Variants in ADAMTS12 observed in about 807,000 individuals in gnomAD.
ADAMTS12 encodes A disintegrin and metalloproteinase with thrombospondin motifs 12.
In ADAMTS12, 118 loss-of-function variants were observed where a neutral mutation model predicts 167.8. The ratio of observed to expected loss-of-function variants is 0.70; its 90% CI spans 0.61 to 0.82. ADAMTS12 has a LOEUF of 0.82. Among genes scored for constraint, ADAMTS12 ranks in the 40% least tolerant of loss-of-function variants. ADAMTS12 has a pLI of 0.00. For missense variants in ADAMTS12, 1,916 were observed against 1,998.8 expected, an observed-to-expected ratio of 0.96 and a Z score of 0.79; for synonymous variants, 704 against 716.9, an observed-to-expected ratio of 0.98 and a Z score of 0.29.
chr5:33,608,912 C>G (rs1004752884), intron 16 of ADAMTS12, among the ~76,000 whole-genome samples: 1 of 152,052 alleles, frequency 6.6e-6, no homozygotes, highest in Non-Finnish European at 1.5e-5. Flanking sequence ...CTAGGATGCG[C>G]GCATATTTAA....
chr5:33,703,478 C>T (rs1196345967), intron 3 of ADAMTS12, among the ~76,000 whole-genome samples: 1 of 152,150 alleles, frequency 6.6e-6, no homozygotes, highest in East Asian at 1.9e-4. Flanking sequence ...ATCATAGGCC[C>T]TATATTGTAC....
At chr5:33,632,678 A>G (rs1488852401) in intron 12 of ADAMTS12, among the ~76,000 whole-genome samples, 1 of 152,220 alleles carries the variant, frequency 6.6e-6, no homozygotes, top group Non-Finnish European at 1.5e-5. Flanking sequence ...CAACCTGGGA[A>G]CAATTCTATT....
At chr5:33,565,522 G>T (rs947185727) in intron 19 of ADAMTS12, among the ~76,000 whole-genome samples, 2 of 152,090 alleles carry the variant, frequency 1.3e-5, no homozygotes, top group Non-Finnish European at 2.9e-5. Context: ...CCTGTCATGA[G>T]GGGGGACTCT....
At chr5:33,666,623 G>A (rs1561203353) in intron 5 of ADAMTS12, among the ~76,000 whole-genome samples, 1 of 152,114 alleles carries the variant, frequency 6.6e-6, no homozygotes, top group Non-Finnish European at 1.5e-5. Context: ...CTCCCTAGTA[G>A]CTGAGACTAC....
chr5:33,648,220 T>C (rs1343081561), intron 9 of ADAMTS12, among the ~76,000 whole-genome samples: 1 of 152,152 alleles, frequency 6.6e-6, no homozygotes, highest in Non-Finnish European at 1.5e-5. Flanking sequence ...CACGGTTACA[T>C]TGTGTTTTTA....
At chr5:33,589,215 T>C (rs1474035053) in intron 17 of ADAMTS12, among the ~76,000 whole-genome samples, 1 of 152,224 alleles carries the variant, frequency 6.6e-6, no homozygotes, top group Non-Finnish European at 1.5e-5. Context: ...GACCAATTCA[T>C]GTAATGTGCA....
chr5:33,596,208 G>T, intron 16 of ADAMTS12, 148 bp from the exon 17 acceptor site: 1 of 972,760 alleles, frequency 1.0e-6, no homozygotes, highest in Non-Finnish European at 1.5e-6. Flanking sequence ...GAGGGATGAA[G>T]AATAGGGACC....
intron 14 of ADAMTS12, among the ~76,000 whole-genome samples, chr5:33,623,208 A>G (rs1739415903): frequency 6.6e-6 from 1 of 152,094 alleles, no homozygotes; most frequent in Non-Finnish European, 1.5e-5. Context: ...AGTGGCTATC[A>G]CTTCCTGTCC....
At chr5:33,597,076 A>G (rs1366243085) in intron 16 of ADAMTS12, among the ~76,000 whole-genome samples, 2 of 152,166 alleles carry the variant, frequency 1.3e-5, no homozygotes, top group Non-Finnish European at 2.9e-5. Context: ...CAACAACCCA[A>G]TGAAATCAGC....
intron 2 of ADAMTS12, among the ~76,000 whole-genome samples, chr5:33,778,412 T>C (rs1745994162): frequency 6.6e-6 from 1 of 152,112 alleles, no homozygotes; most frequent in Non-Finnish European, 1.5e-5. Flanking sequence ...CAAGAATGCA[T>C]ACAACAGGGT....
intron 23 of ADAMTS12, among the ~76,000 whole-genome samples, chr5:33,533,346 T>A (rs909208973): frequency 6.6e-6 from 1 of 152,114 alleles, no homozygotes; most frequent in African/African-American, 2.4e-5. Flanking sequence ...TAGAAGGTAA[T>A]GAAATGAAAT....
intron 20 of ADAMTS12, among the ~76,000 whole-genome samples, chr5:33,554,692 T>C (rs1237670907): frequency 3.3e-5 from 5 of 152,228 alleles, no homozygotes; most frequent in Admixed American, 1.3e-4. Flanking sequence ...ATGGTTTGTC[T>C]GTATTTAGCA....
At chr5:33,720,898 T>C (rs1350589391) in intron 3 of ADAMTS12, among the ~76,000 whole-genome samples, 3 of 152,228 alleles carry the variant, frequency 2.0e-5, no homozygotes, top group Non-Finnish European at 4.4e-5. Context: ...CTCAAAAGCA[T>C]GTACACATTT....
At chr5:33,610,308 G>A (rs1420001423) in intron 16 of ADAMTS12, among the ~76,000 whole-genome samples, 3 of 152,186 alleles carry the variant, frequency 2.0e-5, no homozygotes, top group Admixed American at 6.5e-5. Context: ...ATCTTGGAAT[G>A]AGACACCATA....
chr5:33,788,023 A>G (rs1362556343), intron 2 of ADAMTS12, among the ~76,000 whole-genome samples: 1 of 152,182 alleles, frequency 6.6e-6, no homozygotes, highest in Non-Finnish European at 1.5e-5. Context: ...GCCACCCACC[A>G]TAATGAACTT....
intron 2 of ADAMTS12, among the ~76,000 whole-genome samples, chr5:33,857,365 A>G (rs989792022): frequency 2.0e-5 from 3 of 152,138 alleles, no homozygotes; most frequent in Non-Finnish European, 4.4e-5. Flanking sequence ...GTTGTTAACA[A>G]TACTGAAGTG....
chr5:33,697,148 G>A (rs945016303), intron 3 of ADAMTS12, among the ~76,000 whole-genome samples: 4 of 152,196 alleles, frequency 2.6e-5, no homozygotes, highest in African/African-American at 7.2e-5. Context: ...TACTTAAACT[G>A]TGATATTTAA....
At chr5:33,685,222 C>T (rs1742280055) in intron 3 of ADAMTS12, among the ~76,000 whole-genome samples, 3 of 152,336 alleles carry the variant, frequency 2.0e-5, no homozygotes, top group East Asian at 3.9e-4. Context: ...CTGGTAATGG[C>T]CATCCAGTCT....
chr5:33,637,517 T>C (rs1740251116), intron 12 of ADAMTS12, 60 bp downstream of exon 12: 13 of 1,531,078 alleles, frequency 8.5e-6, no homozygotes, highest in Non-Finnish European at 1.2e-5. Context: ...CTGACTGACA[T>C]ACAAATGCTT....
Sources: allele counts gnomAD v4.1 joint callset (sites outside exome capture counted in the v4.1 genomes callset), GRCh38; gene constraint gnomAD v4.1.1; transcripts MANE v1.5; gene names NCBI Gene and HGNC (gene_info 2026-07-23, HGNC 2026-07-21).